The following PIEZO2 variants were observed in gnomAD, a reference collection of about 807,000 sequenced individuals.
PIEZO2 encodes piezo type mechanosensitive ion channel component 2.
In PIEZO2, 172 loss-of-function variants were observed where a neutral mutation model predicts 337.3. The observed-to-expected ratio is 0.51, with a 90% CI of 0.45 to 0.58. PIEZO2 has a LOEUF of 0.58. Among genes scored for constraint, PIEZO2 ranks in the 20% least tolerant of loss-of-function variants. The pLI is 0.00. For missense variants in PIEZO2, 3,028 were observed against 3,391.3 expected (o/e 0.89, Z 2.66); for synonymous variants, 1,251 against 1,228.5 (o/e 1.02, Z -0.38).
Position 10,800,371 on chromosome 18 carries a change from AG to A in PIEZO2, c.1343del (p.Pro448LeufsTer50). 6.5e-7 allele frequency: 1 copy of A among 1,535,974 alleles called. No individual in the cohort carries two copies. Among genetic ancestry groups the A allele is most frequent in the Non-Finnish European group, 8.7e-7 (1 of 1,146,320 alleles). On this transcript the variant is annotated frameshift_variant, in exon 11 of 56. Transcript: ENST00000674853. LOFTEE classifies it high-confidence loss of function. ...GPGKADLYST[P>X]QYRWEPSDES... Reference sequence around the variant, plus strand: ...CATCAGAGGGCTCCCACCGGTACTGAGGGGTGGAGTAGAGGTCGGCTTTGCC... The same window carrying A: ...CATCAGAGGGCTCCCACCGGTACTGAGGGTGGAGTAGAGGTCGGCTTTGCC...
chr18:10,752,570 C>G, intron 28 of PIEZO2, 66 bp downstream of exon 28: 6 of 1,489,008 alleles, frequency 4.0e-6, no homozygotes, highest in Non-Finnish European at 5.4e-6. Context: ...CTTTTAATAA[C>G]CACTGAGTGG....
Position 10,794,908 on chromosome 18 carries a change from A to G in PIEZO2, c.1622T>C (p.Met541Thr). ...AACCACCATGAAGGGAGAGCTGATC[A>G]TGGCATATTTTCTTCTGTTGCGAAT... ...WMIRNRRKYA[M>T]ISSPFMVVYG... Residue 541 changes from methionine to threonine, a missense_variant, in exon 13 of 56, where the codon ATG becomes ACG. Coordinates refer to ENST00000674853, the MANE Select transcript of PIEZO2 (RefSeq NM_001378183.1). The surrounding 1 kb of genome is among the most constrained non-coding windows in gnomAD (Gnocchi z 6.6). 3.2e-6 allele frequency: 5 copies of G among 1,542,072 alleles called. No individual in the cohort carries two copies. The highest frequency in any genetic ancestry group is 1.2e-5 in the South Asian group (1 of 84,064).
At position 10,759,210 on chromosome 18, in the gene PIEZO2, T is replaced by C. The variant is rs2038015303; in HGVS notation, c.3757+272A>G. Among the ~76,000 whole-genome samples, 2 of 55,196 alleles carry C rather than the reference T, an allele frequency of 3.6e-5. No individual in the cohort carries two copies. The highest frequency in any genetic ancestry group is 1.4e-4 in the African/African-American group (2 of 14,562). The allele number at this position is 55,196 out of a possible 152,430, so 36.2% of individuals were successfully genotyped here. A position where few individuals can be genotyped will look rare whatever the true frequency, so the allele number is the denominator to read the frequency against. ...TGAAAGGTGGCTGTGTAAATGTGTG[T>C]GTGTGTGTGTGTGTGTGTTTGTGTG... On this transcript the variant is annotated intron_variant, in intron 26 of 55. Coordinates refer to ENST00000674853, the MANE Select transcript of PIEZO2 (RefSeq NM_001378183.1). This position sits in a 1 kb window ranked among gnomAD's most constrained non-coding sequence, Gnocchi z 5.5.
rs1477452065 is a variant in PIEZO2 at position 11,101,769 on chromosome 18, A to G, written c.65-35547T>C. Among the ~76,000 whole-genome samples, 1 of 152,216 alleles carries G rather than the reference A, an allele frequency of 6.6e-6. No individual in the cohort carries two copies. The highest frequency in any genetic ancestry group is 1.5e-5 in the Non-Finnish European group (1 of 68,036). On this transcript the variant is annotated intron_variant, in intron 1 of 55. Transcript: ENST00000674853. The surrounding 1 kb of genome is among the most constrained non-coding windows in gnomAD (Gnocchi z 4.4). Reference sequence around the variant, plus strand: ...TTTAAAAAATGCTAGATTGATAAATATCCTGAGGAAAAATGTAGACCCCGA... The same window carrying G: ...TTTAAAAAATGCTAGATTGATAAATGTCCTGAGGAAAAATGTAGACCCCGA...
In PIEZO2 at chr18:10,704,494, A is replaced by G; in HGVS notation, c.6158T>C (p.Met2053Thr). The change falls in exon 42 of 56, where the codon ATG becomes ACG. Residue 2053 changes from methionine (M) to threonine (T), a missense_variant. Transcript: ENST00000674853. Reference protein sequence around the residue: ...IILNHMVSASMITLLLPILIF... With the variant: ...IILNHMVSASTITLLLPILIF... ...GAGGATGGGAAGCAGGAGCGTGATC[A>G]TGGAGGCAGAGACCATGTGGTTGAG... 1.3e-6 allele frequency: 2 copies of G among 1,537,268 alleles called. No homozygotes were observed. The highest frequency in any genetic ancestry group is 8.7e-7 in the Non-Finnish European group (1 of 1,146,912).
In PIEZO2 at chr18:11,043,529, A is replaced by AT. The variant is rs376402743; in HGVS notation, c.160+22597dup. 2.9e-3 allele frequency among the ~76,000 whole-genome samples: 446 copies of AT among 152,194 alleles called. 3 individuals are homozygous for AT. The highest frequency in any genetic ancestry group is 0.01 in the African/African-American group (421 of 41,520). ...AGTAATTTTTATGTTAATTTTGGAGATTTTTTCTCTGTAGGAGAGAGAGAG... is the reference window on the plus strand; with the variant it reads ...AGTAATTTTTATGTTAATTTTGGAGATTTTTTTCTCTGTAGGAGAGAGAGAG... On this transcript the variant is annotated intron_variant, in intron 2 of 55. Coordinates refer to ENST00000674853, the MANE Select transcript of PIEZO2 (RefSeq NM_001378183.1).
intron 1 of PIEZO2, among the ~76,000 whole-genome samples, chr18:11,117,389 C>A (rs2039921816): frequency 6.6e-6 from 1 of 152,188 alleles, no homozygotes; most frequent in Non-Finnish European, 1.5e-5. Context: ...AGCGGATGAG[C>A]ACACATTCTA....
rs1457338546 is a variant in PIEZO2 at position 10,988,925 on chromosome 18, G to A, written c.161-9265C>T. Among the ~76,000 whole-genome samples the A allele has an allele frequency of 1.3e-5, 2 of 152,100 alleles. No individual in the cohort carries two copies. Among genetic ancestry groups the A allele is most frequent in the East Asian group, 1.9e-4 (1 of 5,188 alleles). ...GTAGAATGGTGGTTATAAGGGGCTG[G>A]GGGTGGAGAGCAGGGAAATGGGAGG... is the stretch of plus-strand genomic sequence containing the variant. On this transcript the variant is annotated intron_variant, in intron 2 of 55. Transcript: ENST00000674853. This position sits in a 1 kb window ranked among gnomAD's most constrained non-coding sequence, Gnocchi z 4.8.
chr18:10,921,053 C>T (rs2031361224), intron 3 of PIEZO2, among the ~76,000 whole-genome samples: 1 of 152,006 alleles, frequency 6.6e-6, no homozygotes, highest in Admixed American at 6.6e-5. Flanking sequence ...AACTCCGTCT[C>T]AAAAACAAAC....
intron 36 of PIEZO2, chr18:10,725,032 A>T: frequency 6.3e-7 from 1 of 1,582,862 alleles, no homozygotes; most frequent in Admixed American, 1.7e-5. Flanking sequence ...GAGCCCCTGC[A>T]TGTTGGTGGC....
At position 10,759,128 on chromosome 18, in the gene PIEZO2, G is replaced by A. The variant is rs978044602; in HGVS notation, c.3757+354C>T. On this transcript the variant is annotated intron_variant, in intron 26 of 55. Coordinates refer to ENST00000674853, the MANE Select transcript of PIEZO2 (RefSeq NM_001378183.1). The surrounding 1 kb of genome is among the most constrained non-coding windows in gnomAD (Gnocchi z 5.5). Reference sequence around the variant, plus strand: ...GTTCAGGGTTTATTTATCTGCACTGGGAGCCAGAAACCACCAAGTCAGAAA... The same window carrying A: ...GTTCAGGGTTTATTTATCTGCACTGAGAGCCAGAAACCACCAAGTCAGAAA... Among the ~76,000 whole-genome samples, 1 of 151,918 alleles carries A rather than the reference G, an allele frequency of 6.6e-6. No individual in the cohort carries two copies. The highest frequency in any genetic ancestry group is 2.4e-5 in the African/African-American group (1 of 41,366).
chr18:10,873,476 C>A (rs180776244), intron 4 of PIEZO2, among the ~76,000 whole-genome samples: 1 of 152,258 alleles, frequency 6.6e-6, no homozygotes, highest in African/African-American at 2.4e-5. Context: ...TCCTTCTATA[C>A]ATGGATGTGC....
Position 10,724,612 on chromosome 18 carries a change from G to A in PIEZO2, c.5030-6353C>T. The A allele has an allele frequency of 3.0e-6, 2 of 661,594 alleles. No individual in the cohort carries two copies. The highest frequency in any genetic ancestry group is 2.6e-5 in the East Asian group (1 of 38,432). The allele number at this position is 661,594 out of a possible 1,614,324, so 41.0% of individuals were successfully genotyped here. Reference sequence around the variant, plus strand: ...TGACCCAGCTGGATGTGACCCCCAAGACAGAATGGTGCTGGACTCGGGGTC... The same window carrying A: ...TGACCCAGCTGGATGTGACCCCCAAAACAGAATGGTGCTGGACTCGGGGTC... On this transcript the variant is annotated intron_variant, in intron 36 of 55. Transcript: ENST00000674853. The surrounding 1 kb of genome is among the most constrained non-coding windows in gnomAD (Gnocchi z 5.8).
chr18:11,085,494 C>G (rs1209900248), intron 1 of PIEZO2, among the ~76,000 whole-genome samples: 1 of 152,178 alleles, frequency 6.6e-6, no homozygotes, highest in Non-Finnish European at 1.5e-5. Context: ...CAGCTCCAAG[C>G]CCATTTGCTG....
At chr18:10,671,821 T>C (rs752907974) in intron 55 of PIEZO2, 42 bp from the exon 56 acceptor site, 2 of 1,483,794 alleles carry the variant, frequency 1.3e-6, no homozygotes, top group Admixed American at 4.7e-5. Flanking sequence ...AGCAGTTAAA[T>C]ATAGTTAATA....
chr18:10,882,507 A>T (rs1231985190), intron 4 of PIEZO2, among the ~76,000 whole-genome samples: 6 of 152,252 alleles, frequency 3.9e-5, no homozygotes, highest in Non-Finnish European at 8.8e-5. Flanking sequence ...TTCGTTTTAT[A>T]CAATTACATT....
chr18:11,148,510 G>A lies in PIEZO2; in HGVS notation c.64+15C>T, dbSNP rs769937381. On this transcript the variant is annotated intron_variant, in intron 1 of 55. Transcript: ENST00000674853. This position sits in a 1 kb window ranked among gnomAD's most constrained non-coding sequence, Gnocchi z 5.2. ...CGTCCTCCTCAAGTGCCCTCGGAAA[G>A]CGGACCAGACTCACCTACTGCCAGG... The A allele has an allele frequency of 9.1e-6, 14 of 1,537,000 alleles. No individual in the cohort carries two copies. In the African/African-American group the frequency reaches 1.2e-4, roughly 14 times the overall value.
chr18:10,762,888 C>A (rs747967704), intron 22 of PIEZO2, 34 bp downstream of exon 22: 6 of 1,527,506 alleles, frequency 3.9e-6, no homozygotes, highest in Non-Finnish European at 5.3e-6. Context: ...TGCTAAAGGG[C>A]AGTCAGGAAT....
chr18:10,851,548 G>T (rs918998010), intron 7 of PIEZO2, among the ~76,000 whole-genome samples: 1 of 152,116 alleles, frequency 6.6e-6, no homozygotes, highest in Non-Finnish European at 1.5e-5. Flanking sequence ...TACACTATTA[G>T]AACTGTTAAT....
Sources: gnomAD v4.1 joint callset for allele counts (sites outside exome capture counted in the v4.1 genomes callset) on GRCh38, gnomAD v4.1.1 for gene constraint, Gnocchi (gnomAD v3.1) non-coding constraint, MANE v1.5 for transcripts, NCBI Gene and HGNC (gene_info 2026-07-23, HGNC 2026-07-21) for gene names.